Variants in RNF214 observed in about 807,000 individuals in gnomAD.
The protein encoded by RNF214 is ring finger protein 214.
RNF214 carries 25 observed loss-of-function variants against 75.9 expected under a neutral mutation model. The observed-to-expected ratio is 0.33, with a 90% CI of 0.24 to 0.46. The LOEUF is 0.46. Ranked by LOEUF, RNF214 falls within the 20% of genes least tolerant of loss-of-function variation. RNF214 has a pLI of 1.00. For synonymous variants in RNF214, 314 were observed against 308.8 expected, an observed-to-expected ratio of 1.02 and a Z score of -0.18; for missense variants, 725 against 857.5, an observed-to-expected ratio of 0.85 and a Z score of 1.93.
At position 117,282,756 on chromosome 11, in the gene RNF214, G is replaced by A. The variant is rs781754384; in HGVS notation, c.1856G>A (p.Arg619His). The change falls in exon 13 of 15, where the codon CGC (arginine) becomes CAC (histidine). Residue 619 changes from arginine to histidine, a missense_variant. Around this residue, in one of 2 missense-constraint regions of RNF214, gnomAD observed 363 missense variants for 513.0 expected, o/e 0.71. Transcript: ENST00000300650. The stretch of plus-strand genomic sequence containing the variant: ...TGTTTCTACCTACAGCCACTTGGTC[G>A]CATCCGGGCCTTGTTCCCTGCTCCA... ...RVAASTQPLG[R>H]IRALFPAPLA... 13 of 1,613,730 alleles carry A rather than the reference G, an allele frequency of 8.1e-6. No individual in the cohort carries two copies. Among genetic ancestry groups the A allele is most frequent in the Middle Eastern group, 1.6e-4 (1 of 6,082 alleles).
chr11:117,238,506 G>A, intron 2 of RNF214, 95 bp from the exon 3 acceptor site: 2 of 1,043,932 alleles, frequency 1.9e-6, no homozygotes, highest in Non-Finnish European at 2.8e-6. Flanking sequence ...CTTTCATTAT[G>A]ATAGTCGGGA....
intron 1 of RNF214, among the ~76,000 whole-genome samples, chr11:117,233,736 G>T (rs777451563): frequency 2.0e-4 from 31 of 152,262 alleles, no homozygotes; most frequent in Non-Finnish European, 3.7e-4. Context: ...TCTGTGGGGA[G>T]CACGCTGACA....
intron 6 of RNF214, among the ~76,000 whole-genome samples, chr11:117,277,853 T>C (rs553900395): frequency 6.6e-6 from 1 of 151,654 alleles, no homozygotes; most frequent in Non-Finnish European, 1.5e-5. Flanking sequence ...TGGGTGCCTG[T>C]AATCCAGCTA....
intron 6 of RNF214, among the ~76,000 whole-genome samples, chr11:117,277,906 G>C (rs1221898377): frequency 6.6e-6 from 1 of 151,824 alleles, no homozygotes; most frequent in East Asian, 1.9e-4. Context: ...CCTGAGAGGT[G>C]GAGGCTGCAG....
At position 117,285,214 on chromosome 11, in the gene RNF214, T is replaced by C; in HGVS notation, c.*63T>C. ...GTGAACAGGAAGCGCGGGTTCAAGA[T>C]TTCTAAAACTCTATATTTATACAGT... On this transcript the variant is annotated 3_prime_UTR_variant, in exon 15 of 15. Transcript: ENST00000300650. 9.2e-7 allele frequency: 1 copy of C among 1,088,844 alleles called. No homozygotes were observed. Among genetic ancestry groups the C allele is most frequent in the African/African-American group, 1.6e-5 (1 of 64,466 alleles). 67.4% of individuals were successfully genotyped at this position (1,088,844 alleles called of 1,614,324 possible).
At chr11:117,251,693 G>A (rs1017501874) in intron 6 of RNF214, among the ~76,000 whole-genome samples, 1 of 152,136 alleles carries the variant, frequency 6.6e-6, no homozygotes, top group Non-Finnish European at 1.5e-5. Flanking sequence ...CTGCCGGCAG[G>A]GGGCTCAGAG....
In RNF214 at chr11:117,282,794, A is replaced by G. The variant is rs1289329921; in HGVS notation, c.1894A>G (p.Ser632Gly). ...ALFPAPLAQISTPMFLPSAQV... is the reference protein window; with the variant it reads ...ALFPAPLAQIGTPMFLPSAQV... ...GTTCCCTGCTCCACTGGCCCAAATC[A>G]GTACCCCAATGTTCTTGCCTTCTGC... The change falls in exon 13 of 15, where the codon AGT becomes GGT. Residue 632 changes from serine to glycine, a missense_variant. Physicochemically the swap from Ser to Gly is moderately conservative, Grantham distance 56. Around this residue, in one of 2 missense-constraint regions of RNF214, gnomAD observed 363 missense variants for 513.0 expected, o/e 0.71. Coordinates refer to ENST00000300650, the MANE Select transcript of RNF214 (RefSeq NM_207343.4). 6.8e-6 allele frequency: 11 copies of G among 1,614,046 alleles called. No individual in the cohort carries two copies. Among genetic ancestry groups the G allele is most frequent in the Non-Finnish European group, 9.3e-6 (11 of 1,180,028 alleles).
rs750980316 is a variant in RNF214, at chr11:117,281,853, T to C, written c.1336-41T>C. ...TCTCCAGTTTCCTAAACTTTCTTTT[T>C]CTTCCTTTCTCTCTCGTCCTCTACC... On this transcript the variant is annotated intron_variant, in intron 10 of 14. Transcript: ENST00000300650. 2.5e-6 allele frequency: 4 copies of C among 1,591,876 alleles called. No individual in the cohort carries two copies. The Admixed American group carries it at 5.4e-5, about 21-fold the overall frequency.
chr11:117,274,143 G>T (rs1391309905), intron 6 of RNF214, among the ~76,000 whole-genome samples: 2 of 151,960 alleles, frequency 1.3e-5, no homozygotes, highest in African/African-American at 4.8e-5. Context: ...CTTCCCCGAT[G>T]AATTTCATAC....
intron 6 of RNF214, among the ~76,000 whole-genome samples, chr11:117,247,677 C>G (rs1410488847): frequency 6.6e-6 from 1 of 151,654 alleles, no homozygotes; most frequent in Admixed American, 6.6e-5. Flanking sequence ...ATGGTGAAAC[C>G]CCATCTCTAC....
chr11:117,251,658 C>G (rs1277566042), intron 6 of RNF214, among the ~76,000 whole-genome samples: 1 of 152,064 alleles, frequency 6.6e-6, no homozygotes, highest in African/African-American at 2.4e-5. Context: ...AAGAATTAGC[C>G]AGGCAACAAA....
chr11:117,246,280 TAA>T (rs113697922), intron 5 of RNF214, among the ~76,000 whole-genome samples: 2 of 143,932 alleles, frequency 1.4e-5, no homozygotes, highest in Non-Finnish European at 3.1e-5. Context: ...ACTTCTTATT[TAA>T]AAAAAAAAAA....
At chr11:117,277,165 A>G (rs1388367401) in intron 6 of RNF214, among the ~76,000 whole-genome samples, 1 of 152,104 alleles carries the variant, frequency 6.6e-6, no homozygotes, top group Non-Finnish European at 1.5e-5. Flanking sequence ...CAACATGGCA[A>G]AACCCTGTTT....
intron 6 of RNF214, among the ~76,000 whole-genome samples, chr11:117,265,821 C>T (rs1220406190): frequency 6.6e-6 from 1 of 152,182 alleles, no homozygotes; most frequent in East Asian, 1.9e-4. Context: ...ATTAATTATG[C>T]ATGTAAACGC....
At chr11:117,242,233 A>G (rs1198971302) in intron 4 of RNF214, among the ~76,000 whole-genome samples, 1 of 152,158 alleles carries the variant, frequency 6.6e-6, no homozygotes, top group Non-Finnish European at 1.5e-5. Flanking sequence ...CACCCCAGGA[A>G]GAGGTCTTTA....
At chr11:117,266,946 C>T (rs1303565508) in intron 6 of RNF214, among the ~76,000 whole-genome samples, 1 of 136,358 alleles carries the variant, frequency 7.3e-6, no homozygotes, top group South Asian at 2.4e-4. Context: ...TCTCTGCCTC[C>T]TGGGTTCAAG....
intron 6 of RNF214, among the ~76,000 whole-genome samples, chr11:117,266,168 C>T (rs1327547161): frequency 6.6e-6 from 1 of 152,132 alleles, no homozygotes; most frequent in African/African-American, 2.4e-5. Flanking sequence ...TTCACATTCT[C>T]TTTCCCTCTG....
intron 6 of RNF214, among the ~76,000 whole-genome samples, chr11:117,275,602 T>C (rs922163728): frequency 6.6e-6 from 1 of 152,206 alleles, no homozygotes; most frequent in African/African-American, 2.4e-5. Flanking sequence ...CTGAGACTGC[T>C]GTGAACACAT....
At position 117,279,970 on chromosome 11, in the gene RNF214, T is replaced by C. The variant is rs749247946; in HGVS notation, c.1022T>C (p.Ile341Thr). 1.2e-6 allele frequency: 2 copies of C among 1,613,484 alleles called. No homozygotes were observed. Among genetic ancestry groups the C allele is most frequent in the Non-Finnish European group, 1.7e-6 (2 of 1,179,796 alleles). Reference sequence around the variant, plus strand: ...CAGGATGGCGAAATAAATAGGAACATTATGGAAGAGACTGAACGGGCCTGG... The same window carrying C: ...CAGGATGGCGAAATAAATAGGAACACTATGGAAGAGACTGAACGGGCCTGG... The part of the protein sequence containing the change: ...KNQDGEINRN[I>T]MEETERAWKA... Residue 341 changes from isoleucine (I) to threonine (T), a missense_variant, in exon 7 of 15, where the codon ATT (isoleucine) becomes ACT (threonine). Around this residue, in one of 2 missense-constraint regions of RNF214, gnomAD observed 363 missense variants for 513.0 expected, o/e 0.71. Transcript: ENST00000300650.
Sources: allele counts gnomAD v4.1 joint callset (sites outside exome capture counted in the v4.1 genomes callset), GRCh38; gene constraint gnomAD v4.1.1; regional missense constraint gnomAD v4.1.1; transcripts MANE v1.5; gene names NCBI Gene and HGNC (gene_info 2026-07-23, HGNC 2026-07-21).